The following MICOS10 variants were observed in gnomAD, a reference collection of about 807,000 sequenced individuals.
The protein encoded by MICOS10 is MICOS complex subunit MIC10.
In MICOS10, 5 loss-of-function variants were observed where a neutral mutation model predicts 13.4. The ratio of observed to expected loss-of-function variants is 0.37; its 90% confidence interval spans 0.20 to 0.78. The LOEUF (loss-of-function observed/expected upper bound fraction) is 0.78. Among genes scored for constraint, MICOS10 ranks in the 30% least tolerant of loss-of-function variants. The pLI, the probability that MICOS10 is intolerant of heterozygous loss-of-function variation, is 0.47. For missense variants in MICOS10, 101 were observed against 94.6 expected (o/e 1.07, Z -0.28); for synonymous variants, 35 against 33.6 (o/e 1.04, Z -0.15).
intron 1 of MICOS10, chr1:19,601,376 C>T (rs557019943): frequency 8.0e-5 from 16 of 199,214 alleles, no homozygotes; most frequent in Non-Finnish European, 1.6e-4. Flanking sequence ...CCCAAGAGGT[C>T]GAGACCAGCC....
At chr1:19,618,065 G>A (rs976405216) in intron 1 of MICOS10, among the ~76,000 whole-genome samples, 7 of 151,324 alleles carry the variant, frequency 4.6e-5, no homozygotes, top group East Asian at 1.9e-4. Context: ...GTGATCCTAC[G>A]TAGCCAGTGA....
chr1:19,600,348 G>T (rs942920910), intron 1 of MICOS10, among the ~76,000 whole-genome samples: 1 of 152,162 alleles, frequency 6.6e-6, no homozygotes, highest in South Asian at 2.1e-4. Context: ...GGAGGCTTTA[G>T]TCTGAGTCGT....
chr1:19,600,266 C>T lies in MICOS10; in HGVS notation c.64+3157C>T, dbSNP rs1331198946. Among the ~76,000 whole-genome samples, 10 of 152,034 alleles carry T rather than the reference C, an allele frequency of 6.6e-5. No homozygotes were observed. The East Asian group carries it at 1.2e-3, about 18-fold the overall frequency. On this transcript the variant is annotated intron_variant, in intron 1 of 3. Transcript: ENST00000322753. ...TATTTGAGAAATTTCAAACTTTTTC[C>T]CATCTGTGAAATAAGGGAGTTGTCC...
At chr1:19,623,088 A>T (rs931800301) in intron 2 of MICOS10, among the ~76,000 whole-genome samples, 1 of 151,660 alleles carries the variant, frequency 6.6e-6, no homozygotes, top group African/African-American at 2.4e-5. Flanking sequence ...TGCCTGGCTA[A>T]TTTTTTTGTA....
rs57865005 is a variant in MICOS10 at position 19,602,439 on chromosome 1, T to A, written c.64+5330T>A. Among the ~76,000 whole-genome samples the A allele has an allele frequency of 8.2e-3, 1,252 of 152,270 alleles. 14 individuals are homozygous for A. Among genetic ancestry groups the A allele is most frequent in the African/African-American group, 0.028 (1,162 of 41,532 alleles). ...ATTAACTGTCAGTAGATCTTAATAATAAAGTAGTATTAAAAATGTTTGGGA... is the reference window on the plus strand; with the variant it reads ...ATTAACTGTCAGTAGATCTTAATAAAAAAGTAGTATTAAAAATGTTTGGGA... On this transcript the variant is annotated intron_variant, in intron 1 of 3. Coordinates refer to ENST00000322753, the MANE Select transcript of MICOS10 (RefSeq NM_001032363.4).
chr1:19,618,013 G>GA (rs754341804), intron 1 of MICOS10, among the ~76,000 whole-genome samples: 1 of 151,752 alleles, frequency 6.6e-6, no homozygotes, highest in Non-Finnish European at 1.5e-5. Context: ...CAAAGGGTAG[G>GA]AAAAAACTGG....
intron 1 of MICOS10, chr1:19,608,484 T>G (rs2094844634): frequency 8.1e-7 from 1 of 1,239,486 alleles, no homozygotes; most frequent in East Asian, 2.3e-5. Context: ...TGCTCGGGTA[T>G]GAAGATCGGG....
At chr1:19,612,846 C>G (rs2094869156) in intron 1 of MICOS10, among the ~76,000 whole-genome samples, 1 of 152,210 alleles carries the variant, frequency 6.6e-6, no homozygotes, top group African/African-American at 2.4e-5. Flanking sequence ...CGGATATCAT[C>G]ATTTGTATCA....
intron 1 of MICOS10, among the ~76,000 whole-genome samples, chr1:19,607,142 C>T (rs1303057079): frequency 2.0e-5 from 3 of 152,168 alleles, no homozygotes; most frequent in Non-Finnish European, 4.4e-5. Context: ...AATTAGTACA[C>T]GTTAATTGTT....
chr1:19,604,379 C>T (rs183073775), intron 1 of MICOS10, among the ~76,000 whole-genome samples: 33 of 152,096 alleles, frequency 2.2e-4, no homozygotes, highest in African/African-American at 3.9e-4. Context: ...TGTGGTGGTA[C>T]GCACCTGTAG....
At position 19,627,707 on chromosome 1, in the gene MICOS10, T is replaced by C. The variant is rs921303408; in HGVS notation, c.*1306T>C. 1 of 152,266 alleles carries C rather than the reference T, an allele frequency of 6.6e-6. No homozygotes were observed. Among genetic ancestry groups the C allele is most frequent in the Non-Finnish European group, 1.5e-5 (1 of 68,082 alleles). The allele number at this position is 152,266 out of a possible 1,614,324, so 9.4% of individuals were successfully genotyped here. Reference sequence around the variant, plus strand: ...ATTATAGCTGGGAAATCGCAAGTAGTTCAGCATAGCCAGGGTGTGTAGGGG... The same window carrying C: ...ATTATAGCTGGGAAATCGCAAGTAGCTCAGCATAGCCAGGGTGTGTAGGGG... On this transcript the variant is annotated 3_prime_UTR_variant, in exon 4 of 4. Transcript: ENST00000322753.
At chr1:19,608,401 A>C (rs28517413) in intron 1 of MICOS10, 14 of 1,264,540 alleles carry the variant, frequency 1.1e-5, no homozygotes, top group Non-Finnish European at 1.4e-5. Context: ...TACACATCCA[A>C]CTCCGGGCCA....
intron 1 of MICOS10, chr1:19,601,054 C>T (rs2100238741): frequency 8.0e-7 from 1 of 1,256,524 alleles, no homozygotes; most frequent in Middle Eastern, 2.2e-4. Flanking sequence ...CACCTGTTTG[C>T]TGTACGATGA....
chr1:19,605,615 T>C (rs896108794), intron 1 of MICOS10, among the ~76,000 whole-genome samples: 2 of 152,378 alleles, frequency 1.3e-5, no homozygotes, highest in East Asian at 1.9e-4. Flanking sequence ...CAAATAATGT[T>C]GTGTGGTGTA....
intron 1 of MICOS10, chr1:19,601,151 TA>T: frequency 2.3e-6 from 1 of 440,928 alleles, no homozygotes; most frequent in Non-Finnish European, 4.0e-6. Flanking sequence ...AGTGGTCCTT[TA>T]AAAAAGTAAT....
chr1:19,602,500 T>C (rs1245044592), intron 1 of MICOS10, among the ~76,000 whole-genome samples: 1 of 152,198 alleles, frequency 6.6e-6, no homozygotes, highest in African/African-American at 2.4e-5. Context: ...GAGAGCACTT[T>C]TGTATTTAAA....
intron 3 of MICOS10, chr1:19,625,656 T>C (rs1035954096): frequency 3.1e-6 from 4 of 1,280,518 alleles, no homozygotes; most frequent in Non-Finnish European, 4.1e-6. Context: ...AACATTTCCA[T>C]TGTTCCAAAC....
At chr1:19,617,369 A>G (rs374345230) in intron 1 of MICOS10, 1 of 897,468 alleles carries the variant, frequency 1.1e-6, no homozygotes, top group Admixed American at 6.2e-5. Flanking sequence ...CCTTCTTAGT[A>G]TGTTTCCTAA....
intron 3 of MICOS10, chr1:19,625,648 C>T (rs552190981): frequency 7.8e-7 from 1 of 1,283,258 alleles, no homozygotes; most frequent in African/African-American, 1.5e-5. Flanking sequence ...TTGCTTAAAA[C>T]ATTTCCATTG....
Sources: gnomAD v4.1 joint callset for allele counts (sites outside exome capture counted in the v4.1 genomes callset) on GRCh38, gnomAD v4.1.1 for gene constraint, MANE v1.5 for transcripts, NCBI Gene and HGNC (gene_info 2026-07-23, HGNC 2026-07-21) for gene names.